Variants in ACER3 observed in about 807,000 individuals in gnomAD.
The protein encoded by ACER3 is alkaline ceramidase 3.
ACER3 carries 16 observed loss-of-function variants against 48.9 expected under a neutral mutation model. That is an observed-to-expected ratio of 0.33 (90% CI 0.22 to 0.50). The LOEUF (loss-of-function observed/expected upper bound fraction) is 0.50, where lower values mean the gene tolerates loss of function less well. Among genes scored for constraint, ACER3 ranks in the 20% least tolerant of loss-of-function variants. The probability of loss-of-function intolerance (pLI) is 0.98; values close to 1 mark genes in which losing one functional copy is unlikely to be tolerated. For synonymous variants in ACER3, 109 were observed against 107.8 expected, an observed-to-expected ratio of 1.01 and a Z score of -0.07; for missense variants, 227 against 326.0, an observed-to-expected ratio of 0.70 and a Z score of 2.34.
At chr11:76,886,293 C>G (rs1472417405) in intron 1 of ACER3, among the ~76,000 whole-genome samples, 1 of 152,126 alleles carries the variant, frequency 6.6e-6, no homozygotes, top group Non-Finnish European at 1.5e-5. Flanking sequence ...GAATGATGGG[C>G]AAGAAGGCAA....
intron 2 of ACER3, among the ~76,000 whole-genome samples, chr11:76,947,623 G>A (rs1947510693): frequency 2.0e-5 from 3 of 152,114 alleles, no homozygotes; most frequent in Admixed American, 2.0e-4. Context: ...TTTACAGCTT[G>A]CTTAGTAGCT....
intron 1 of ACER3, among the ~76,000 whole-genome samples, chr11:76,922,260 C>T (rs1200718867): frequency 6.6e-6 from 1 of 152,142 alleles, no homozygotes; most frequent in African/African-American, 2.4e-5. Context: ...GACCCTCCTG[C>T]ACTCCCTGCC....
At chr11:76,964,661 C>T (rs1948089488) in intron 3 of ACER3, among the ~76,000 whole-genome samples, 1 of 151,252 alleles carries the variant, frequency 6.6e-6, no homozygotes, top group Non-Finnish European at 1.5e-5. Flanking sequence ...TCACCAATAT[C>T]CTCTGTTCTG....
chr11:76,924,413 A>C (rs1946763470), intron 1 of ACER3, among the ~76,000 whole-genome samples: 3 of 152,044 alleles, frequency 2.0e-5, no homozygotes, highest in Admixed American at 1.3e-4. Flanking sequence ...TGTGTTGCCC[A>C]GGCTGCTCTA....
intron 1 of ACER3, among the ~76,000 whole-genome samples, chr11:76,900,324 G>A (rs1412493802): frequency 2.6e-5 from 4 of 152,162 alleles, no homozygotes; most frequent in African/African-American, 9.7e-5. Context: ...TGGAGAAGGT[G>A]GAAAGGGAGG....
intron 1 of ACER3, among the ~76,000 whole-genome samples, chr11:76,883,823 T>C (rs12792209): frequency 0.051 from 7,691 of 152,214 alleles, 233 homozygotes; most frequent in Middle Eastern, 0.12. Context: ...AGTGAATAGA[T>C]TTTGTTGTCT....
intron 4 of ACER3, among the ~76,000 whole-genome samples, chr11:76,979,288 T>A (rs1308558780): frequency 6.6e-6 from 1 of 152,270 alleles, no homozygotes; most frequent in Non-Finnish European, 1.5e-5. Flanking sequence ...AAAGATTTTT[T>A]TCTTTTATTT....
intron 1 of ACER3, among the ~76,000 whole-genome samples, chr11:76,882,206 C>T (rs1213999138): frequency 3.3e-5 from 5 of 152,016 alleles, no homozygotes; most frequent in Admixed American, 1.3e-4. Context: ...GGGGTTTCAC[C>T]GTGTTAGCCA....
At chr11:76,906,768 T>C (rs1946242912) in intron 1 of ACER3, among the ~76,000 whole-genome samples, 1 of 152,164 alleles carries the variant, frequency 6.6e-6, no homozygotes, top group Admixed American at 6.5e-5. Flanking sequence ...ACTATGTTGC[T>C]CAGGCTCATC....
At chr11:76,991,318 G>A (rs553563890) in intron 6 of ACER3, among the ~76,000 whole-genome samples, 2 of 152,256 alleles carry the variant, frequency 1.3e-5, no homozygotes, top group African/African-American at 4.8e-5. Context: ...AAATAAGCAC[G>A]CTTTTCAGAA....
chr11:76,929,087 C>G (rs2134828019), intron 2 of ACER3, among the ~76,000 whole-genome samples: 1 of 152,196 alleles, frequency 6.6e-6, no homozygotes, highest in African/African-American at 2.4e-5. Flanking sequence ...TTCTTCCTAC[C>G]CATGAGCATG....
At chr11:76,909,871 A>G (rs1946325306) in intron 1 of ACER3, among the ~76,000 whole-genome samples, 1 of 152,234 alleles carries the variant, frequency 6.6e-6, no homozygotes. Context: ...GAACCAACCC[A>G]GATGCCCATC....
chr11:76,967,401 C>T (rs1003649752), intron 3 of ACER3, among the ~76,000 whole-genome samples: 5 of 152,284 alleles, frequency 3.3e-5, no homozygotes, highest in Admixed American at 1.3e-4. Context: ...TGGTACCATT[C>T]CTTCTGAAAC....
chr11:76,979,848 A>AAC (rs1317185403), intron 4 of ACER3, among the ~76,000 whole-genome samples: 1 of 150,918 alleles, frequency 6.6e-6, no homozygotes, highest in East Asian at 2.0e-4. Flanking sequence ...ATTAAAAAAA[A>AAC]AACAGGTTTA....
chr11:76,989,030 T>C (rs4945128), intron 5 of ACER3, among the ~76,000 whole-genome samples: 60,579 of 145,386 alleles, frequency 0.42, 14,769 homozygotes, highest in Non-Finnish European at 0.58. Context: ...CATAATTATT[T>C]GCTTTAAAAA....
At chr11:76,926,886 T>C (rs1405750720) in intron 2 of ACER3, among the ~76,000 whole-genome samples, 1 of 152,202 alleles carries the variant, frequency 6.6e-6, no homozygotes, top group African/African-American at 2.4e-5. Flanking sequence ...CAAAAAAGAA[T>C]AGAGATAATA....
chr11:76,978,070 G>A (rs1948490234), intron 4 of ACER3, among the ~76,000 whole-genome samples: 1 of 152,200 alleles, frequency 6.6e-6, no homozygotes. Context: ...CGGGGACTGA[G>A]GGCAGCTTGG....
chr11:76,988,372 T>C (rs1275428270), intron 5 of ACER3, among the ~76,000 whole-genome samples: 1 of 152,178 alleles, frequency 6.6e-6, no homozygotes, highest in African/African-American at 2.4e-5. Context: ...ACTGGGTAAT[T>C]TATAAAGGAA....
intron 3 of ACER3, among the ~76,000 whole-genome samples, chr11:76,970,919 C>T (rs988856848): frequency 6.6e-6 from 1 of 152,138 alleles, no homozygotes; most frequent in Non-Finnish European, 1.5e-5. Context: ...TCACTCTCTT[C>T]CTGTATGGAT....
Sources: gnomAD v4.1 joint callset for allele counts (sites outside exome capture counted in the v4.1 genomes callset) on GRCh38, gnomAD v4.1.1 for gene constraint, MANE v1.5 for transcripts, NCBI Gene and HGNC (gene_info 2026-07-23, HGNC 2026-07-21) for gene names.